The following MSANTD3 variants were observed in gnomAD, a reference collection of about 807,000 sequenced individuals.
The protein encoded by MSANTD3 is myb/SANT-like DNA-binding domain-containing protein 3.
Under a neutral mutation model 27.7 loss-of-function variants are expected in MSANTD3, and 11 were observed. That is an observed-to-expected ratio of 0.40 (90% CI 0.25 to 0.66). MSANTD3 has a LOEUF of 0.66. Among genes scored for constraint, MSANTD3 ranks in the 30% least tolerant of loss-of-function variants. MSANTD3 has a pLI of 0.41. For missense variants in MSANTD3, 250 were observed against 336.5 expected (o/e 0.74, Z 2.01); for synonymous variants, 131 against 127.2 (o/e 1.03, Z -0.20).
chr9:100,451,043 C>T lies in MSANTD3; in HGVS notation c.*77C>T, dbSNP rs768890456. On this transcript the variant is annotated 3_prime_UTR_variant, in exon 3 of 3. Transcript: ENST00000395067. ...GGAACATGGACTTGGCGGTCAGTAA[C>T]CTGTAACAGAGCTACAACTAGGAAA... The T allele has an allele frequency of 3.5e-6, 5 of 1,413,106 alleles. No homozygotes were observed. Among genetic ancestry groups the T allele is most frequent in the African/African-American group, 2.9e-5 (2 of 69,530 alleles). The allele number at this position is 1,413,106 out of a possible 1,614,324, so 87.5% of individuals were successfully genotyped here.
Position 100,450,659 on chromosome 9 carries a change from C to T in MSANTD3, c.521C>T (p.Ala174Val), listed in dbSNP as rs773467061. 5.0e-6 allele frequency: 8 copies of T among 1,614,142 alleles called. No individual in the cohort carries two copies. Among genetic ancestry groups the T allele is most frequent in the Admixed American group, 1.7e-5 (1 of 60,020 alleles). The change falls in exon 3 of 3, where the codon GCT becomes GTT. Residue 174 changes from alanine to valine, a missense_variant. Ala to Val is a moderately conservative substitution (Grantham distance 64). Around this residue, in one of 3 missense-constraint regions of MSANTD3, gnomAD observed 235 missense variants for 299.3 expected, o/e 0.79. Coordinates refer to ENST00000395067, the MANE Select transcript of MSANTD3 (RefSeq NM_080655.3). ...GTSQPEPSCSAVRITANKNYR... is the reference protein window; with the variant it reads ...GTSQPEPSCSVVRITANKNYR... ...TCTCAACCTGAACCCTCGTGTTCAGCTGTCAGAATAACAGCCAATAAAAAC... is the reference window on the plus strand; with the variant it reads ...TCTCAACCTGAACCCTCGTGTTCAGTTGTCAGAATAACAGCCAATAAAAAC...
intron 1 of MSANTD3, among the ~76,000 whole-genome samples, chr9:100,434,206 T>C (rs113867570): frequency 1.3e-5 from 2 of 152,206 alleles, no homozygotes; most frequent in Admixed American, 6.5e-5. Context: ...TGGACACATA[T>C]ACATCCTGCT....
chr9:100,430,922 GTGTT>G (rs1337507929), intron 1 of MSANTD3, among the ~76,000 whole-genome samples: 1 of 152,138 alleles, frequency 6.6e-6, no homozygotes, highest in Non-Finnish European at 1.5e-5. Context: ...AATTGGAAAT[GTGTT>G]TGATGCTAAG....
In MSANTD3 at chr9:100,450,453, A is replaced by G. The variant is rs1836859219; in HGVS notation, c.419-104A>G. 10 of 1,061,850 alleles carry G rather than the reference A, an allele frequency of 9.4e-6. No individual in the cohort carries two copies. The South Asian group carries it at 1.8e-4, about 19-fold the overall frequency. 65.8% of individuals were successfully genotyped at this position (1,061,850 alleles called of 1,614,324 possible). ...AAGACCAAAGCAGACATGATTTTAG[A>G]TACATCCTGTAATGAAGGACCCTGT... On this transcript the variant is annotated intron_variant, in intron 2 of 2. Transcript: ENST00000395067.
intron 2 of MSANTD3, chr9:100,445,071 G>T: frequency 1.4e-6 from 1 of 720,716 alleles, no homozygotes; most frequent in East Asian, 2.7e-5. Flanking sequence ...TGGGAAGTGT[G>T]TCCAAAGGTA....
intron 1 of MSANTD3, among the ~76,000 whole-genome samples, chr9:100,436,531 T>C (rs367576156): frequency 2.0e-5 from 3 of 152,186 alleles, no homozygotes; most frequent in Non-Finnish European, 4.4e-5. Context: ...CTGAGCAGAA[T>C]TGGGGACAGG....
At chr9:100,447,297 A>G (rs1400895908) in intron 2 of MSANTD3, among the ~76,000 whole-genome samples, 2 of 152,148 alleles carry the variant, frequency 1.3e-5, no homozygotes, top group African/African-American at 4.8e-5. Flanking sequence ...TGTGAAAGTT[A>G]ATTAACTATA....
chr9:100,442,044 A>C lies in MSANTD3; in HGVS notation c.106A>C (p.Lys36Gln). 6.2e-7 allele frequency: 1 copy of C among 1,614,260 alleles called. No homozygotes were observed. Among genetic ancestry groups the C allele is most frequent in the South Asian group, 1.1e-5 (1 of 91,086 alleles). ...GTATAAATATGTGCTGGAATGTAAG[A>C]AAAGTGATGCGCGAACTATTGCCCT... The part of the protein sequence containing the change: ...EKYKYVLECK[K>Q]SDARTIALKQ... The change falls in exon 2 of 3, where the codon AAA (lysine) becomes CAA (glutamine). Residue 36 changes from lysine to glutamine, a missense_variant. Coordinates refer to ENST00000395067, the MANE Select transcript of MSANTD3 (RefSeq NM_080655.3).
intron 1 of MSANTD3, among the ~76,000 whole-genome samples, chr9:100,439,419 TAATG>T (rs1836550318): frequency 6.6e-6 from 1 of 152,182 alleles, no homozygotes; most frequent in Non-Finnish European, 1.5e-5. Flanking sequence ...GTTGAGAAAA[TAATG>T]AATCCTTGTG....
At chr9:100,434,401 G>A (rs945179579) in intron 1 of MSANTD3, among the ~76,000 whole-genome samples, 2 of 152,078 alleles carry the variant, frequency 1.3e-5, no homozygotes, top group African/African-American at 4.8e-5. Context: ...GTGGTGATGG[G>A]TGCCTGTAAT....
intron 1 of MSANTD3, 144 bp downstream of exon 1, chr9:100,427,537 G>C (rs1267340540): frequency 2.6e-5 from 4 of 151,604 alleles, no homozygotes; most frequent in Admixed American, 6.6e-5. Flanking sequence ...GCTGGGCGCC[G>C]GGCGGCCGCC....
intron 2 of MSANTD3, among the ~76,000 whole-genome samples, chr9:100,443,073 G>A (rs1447571442): frequency 6.6e-6 from 1 of 151,998 alleles, no homozygotes; most frequent in Non-Finnish European, 1.5e-5. Flanking sequence ...TATTTGCAAA[G>A]CATTGCAGTA....
chr9:100,428,411 T>C (rs1310983249), intron 1 of MSANTD3, among the ~76,000 whole-genome samples: 1 of 151,938 alleles, frequency 6.6e-6, no homozygotes, highest in Non-Finnish European at 1.5e-5. Flanking sequence ...TGAGTTAGGA[T>C]TGAGGATGGC....
chr9:100,449,818 G>A (rs1257443705), intron 2 of MSANTD3, among the ~76,000 whole-genome samples: 2 of 152,112 alleles, frequency 1.3e-5, no homozygotes, highest in African/African-American at 2.4e-5. Flanking sequence ...AAATCAAGAA[G>A]ACTTGAGAAG....
chr9:100,436,959 C>G (rs1287809285), intron 1 of MSANTD3, among the ~76,000 whole-genome samples: 1 of 152,162 alleles, frequency 6.6e-6, no homozygotes, highest in African/African-American at 2.4e-5. Context: ...CACCTGCTAC[C>G]ACGCCTGGCT....
At chr9:100,429,518 C>A (rs1239766563) in intron 1 of MSANTD3, 1 of 152,060 alleles carries the variant, frequency 6.6e-6, no homozygotes, top group Non-Finnish European at 1.5e-5. Context: ...ATTTCCCAGT[C>A]CAGTGTGGGA....
In MSANTD3 at chr9:100,450,778, C is replaced by T. The variant is rs1836866736; in HGVS notation, c.640C>T (p.Gln214Ter). 1 of 1,613,966 alleles carries T rather than the reference C, an allele frequency of 6.2e-7. No individual in the cohort carries two copies. Among genetic ancestry groups the T allele is most frequent in the Admixed American group, 1.7e-5 (1 of 59,994 alleles). The change falls in exon 3 of 3, where the codon CAA (glutamine) becomes TAA (stop). Residue 214 changes from glutamine (Q) to a stop codon, truncating the protein, a stop_gained. Coordinates refer to ENST00000395067, the MANE Select transcript of MSANTD3 (RefSeq NM_080655.3). LOFTEE classifies it high-confidence loss of function. Reference protein sequence around the residue: ...QMSILQLQLIQMNEVHVAKIQ... With the variant: ...QMSILQLQLI ...GTCCATCTTACAACTGCAACTGATA[C>T]AAATGAATGAGGTGCATGTGGCCAA...
At chr9:100,430,174 G>A (rs1029499098) in intron 1 of MSANTD3, among the ~76,000 whole-genome samples, 13 of 151,602 alleles carry the variant, frequency 8.6e-5, no homozygotes, top group East Asian at 3.9e-4. Context: ...GAAGGAAGCC[G>A]TTATAAAGAA....
At chr9:100,430,341 A>AG (rs1587781223) in intron 1 of MSANTD3, among the ~76,000 whole-genome samples, 1 of 150,686 alleles carries the variant, frequency 6.6e-6, no homozygotes, top group East Asian at 1.9e-4. Context: ...AAAAAAAAAA[A>AG]AGAGAGATTG....
Sources: allele counts gnomAD v4.1 joint callset (sites outside exome capture counted in the v4.1 genomes callset), GRCh38; gene constraint gnomAD v4.1.1; regional missense constraint gnomAD v4.1.1; transcripts MANE v1.5; gene names NCBI Gene and HGNC (gene_info 2026-07-23, HGNC 2026-07-21).